PTPRD: variants seen among roughly 807,000 people sequenced by gnomAD.
PTPRD encodes the protein receptor-type tyrosine-protein phosphatase delta.
In PTPRD, 34 loss-of-function variants were observed where a neutral mutation model predicts 214.5. The ratio of observed to expected loss-of-function variants is 0.16; its 90% confidence interval spans 0.12 to 0.21. The LOEUF (loss-of-function observed/expected upper bound fraction) is 0.21, where lower values mean the gene tolerates loss of function less well. PTPRD is among the 10% of genes least tolerant of loss of function. The pLI is 1.00. For missense variants in PTPRD, 2,545 were observed against 2,398.7 expected, an observed-to-expected ratio of 1.06 and a Z score of -1.27; for synonymous variants, 1,128 against 845.7, an observed-to-expected ratio of 1.33 and a Z score of -5.79.
At chr9:8,446,692 T>C (rs1216833907) in intron 34 of PTPRD, among the ~76,000 whole-genome samples, 1 of 152,222 alleles carries the variant, frequency 6.6e-6, no homozygotes, top group African/African-American at 2.4e-5. Context: ...TATACATTCA[T>C]AGTAGATATA....
intron 9 of PTPRD, among the ~76,000 whole-genome samples, chr9:9,232,304 G>A (rs894192522): frequency 6.6e-6 from 1 of 152,152 alleles, no homozygotes; most frequent in Non-Finnish European, 1.5e-5. Flanking sequence ...ATTACATGCT[G>A]TGAGAACTAT....
chr9:8,872,147 C>T (rs931785960), intron 11 of PTPRD, among the ~76,000 whole-genome samples: 35 of 152,166 alleles, frequency 2.3e-4, no homozygotes, highest in Non-Finnish European at 3.8e-4. Flanking sequence ...TATGTCTCAG[C>T]GTAGCCAAAA....
Position 8,546,797 on chromosome 9 carries a change from G to A in PTPRD, c.353-18018C>T, listed in dbSNP as rs57784036. Among the ~76,000 whole-genome samples the A allele has an allele frequency of 2.0e-5, 3 of 152,240 alleles. No homozygotes were observed. In the East Asian group the frequency reaches 5.8e-4, roughly 29 times the overall value. On this transcript the variant is annotated intron_variant, in intron 14 of 45. Transcript: ENST00000381196. ...ATTCCAGGCGTGAGCCACCGCACCT[G>A]GCCATACTATCATTTTTCTAAAGAA... is the stretch of plus-strand genomic sequence containing the variant.
At chr9:8,708,195 G>A (rs1203732418) in intron 12 of PTPRD, among the ~76,000 whole-genome samples, 3 of 152,138 alleles carry the variant, frequency 2.0e-5, no homozygotes, top group Admixed American at 2.0e-4. Context: ...CAGCCAATGT[G>A]CAAATAGAAC....
At chr9:10,422,261 A>T (rs2098552597) in intron 2 of PTPRD, among the ~76,000 whole-genome samples, 1 of 152,090 alleles carries the variant, frequency 6.6e-6, no homozygotes, top group Non-Finnish European at 1.5e-5. Flanking sequence ...AGCCATATGT[A>T]GAAGGCTGAA....
chr9:8,480,935 C>T (rs900898417), intron 30 of PTPRD, among the ~76,000 whole-genome samples: 8 of 151,916 alleles, frequency 5.3e-5, no homozygotes, highest in South Asian at 4.1e-4. Context: ...GTCAGGAGAT[C>T]GAGACCAACC....
chr9:9,979,005 C>G (rs2095453050), intron 4 of PTPRD, among the ~76,000 whole-genome samples: 1 of 151,918 alleles, frequency 6.6e-6, no homozygotes, highest in Non-Finnish European at 1.5e-5. Flanking sequence ...TAAAAGAAAG[C>G]AAAAACTATA....
rs370697263 is a variant in PTPRD, at chr9:10,513,182, ATGTG to A, written c.-600+99212_-600+99215del. Among the ~76,000 whole-genome samples, 294 of 148,328 alleles carry A rather than the reference ATGTG, an allele frequency of 2.0e-3. 2 individuals carry two copies. Among genetic ancestry groups the A allele is most frequent in the African/African-American group, 7.0e-3 (283 of 40,652 alleles). ...TATTTGGTTTTATGATTGTGTGTGT[ATGTG>A]TGTGTGTGTGTGTGTGATTTAATGA... On this transcript the variant is annotated intron_variant, in intron 2 of 45. Transcript: ENST00000381196.
intron 8 of PTPRD, among the ~76,000 whole-genome samples, chr9:9,485,395 A>C (rs1225214826): frequency 1.3e-5 from 2 of 152,210 alleles, no homozygotes; most frequent in Non-Finnish European, 2.9e-5. Flanking sequence ...CAGCTGGTTA[A>C]ATCATTATGA....
chr9:8,587,040 C>T (rs1171424567), intron 14 of PTPRD, among the ~76,000 whole-genome samples: 1 of 152,064 alleles, frequency 6.6e-6, no homozygotes, highest in Non-Finnish European at 1.5e-5. Context: ...GTCCCAGCTA[C>T]TCGGGAGGCT....
intron 36 of PTPRD, among the ~76,000 whole-genome samples, chr9:8,393,638 A>G (rs958553296): frequency 2.2e-4 from 33 of 152,128 alleles, no homozygotes; most frequent in African/African-American, 9.7e-5. Context: ...CCATGGCTCT[A>G]CTGCATTTAT....
At chr9:8,414,275 CT>C (rs1354483264) in intron 35 of PTPRD, among the ~76,000 whole-genome samples, 2 of 152,136 alleles carry the variant, frequency 1.3e-5, no homozygotes, top group African/African-American at 2.4e-5. Context: ...CCATCTTTGA[CT>C]TTTTGTGCAT....
Position 8,507,359 on chromosome 9 carries a change from C to T in PTPRD, c.1619G>A (p.Arg540His), listed in dbSNP as rs371642520. 78 of 1,613,854 alleles carry T rather than the reference C, an allele frequency of 4.8e-5. No homozygotes were observed. The highest frequency in any genetic ancestry group is 4.1e-5 in the Non-Finnish European group (48 of 1,179,872). Residue 540 changes from arginine (R) to histidine (H), a missense_variant, in exon 22 of 46, where the codon CGT (arginine) becomes CAT (histidine). Physicochemically the swap from Arg to His is conservative, Grantham distance 29. Coordinates refer to ENST00000381196, the MANE Select transcript of PTPRD (RefSeq NM_002839.4). ...TSILLSWTPP[R>H]SDTIANYELV... ...TTCATAGTTGGCAATGGTATCTGAACGTGGAGGTGTCCAAGAGAGCAAAAT... is the reference window on the plus strand; with the variant it reads ...TTCATAGTTGGCAATGGTATCTGAATGTGGAGGTGTCCAAGAGAGCAAAAT...
intron 2 of PTPRD, among the ~76,000 whole-genome samples, chr9:10,364,061 G>A (rs34559835): frequency 0.013 from 1,829 of 137,204 alleles, 20 homozygotes; most frequent in Non-Finnish European, 0.022. Flanking sequence ...GTGCAGTGAC[G>A]TGATCTCGGC....
At chr9:9,371,513 A>C (rs939090456) in intron 9 of PTPRD, among the ~76,000 whole-genome samples, 1 of 151,562 alleles carries the variant, frequency 6.6e-6, no homozygotes, top group Non-Finnish European at 1.5e-5. Context: ...TTTCTTCTTT[A>C]TTAGTCTTGC....
At chr9:10,521,862 A>G (rs1201630326) in intron 2 of PTPRD, among the ~76,000 whole-genome samples, 1 of 152,182 alleles carries the variant, frequency 6.6e-6, no homozygotes, top group Non-Finnish European at 1.5e-5. Flanking sequence ...AGTATAGTTT[A>G]GTCATAATCA....
At position 8,513,616 on chromosome 9, in the gene PTPRD, T is replaced by C. The variant is rs2097725191; in HGVS notation, c.1543+4232A>G. 4.6e-5 allele frequency among the ~76,000 whole-genome samples: 7 copies of C among 152,184 alleles called. No individual in the cohort carries two copies. In the South Asian group the frequency reaches 1.0e-3, roughly 23 times the overall value. On this transcript the variant is annotated intron_variant, in intron 21 of 45. Coordinates refer to ENST00000381196, the MANE Select transcript of PTPRD (RefSeq NM_002839.4). Reference sequence around the variant, plus strand: ...TTTTTATAGGGTTAGAGGAGAAAAATTGCAGTGAAAATAATCATATCCTTA... The same window carrying C: ...TTTTTATAGGGTTAGAGGAGAAAAACTGCAGTGAAAATAATCATATCCTTA...
chr9:9,105,426 T>C (rs2099797141), intron 10 of PTPRD, among the ~76,000 whole-genome samples: 1 of 152,210 alleles, frequency 6.6e-6, no homozygotes, highest in Non-Finnish European at 1.5e-5. Context: ...CTATAGTTGA[T>C]AAAAATTGAG....
chr9:10,245,727 T>C (rs1029558297), intron 3 of PTPRD, among the ~76,000 whole-genome samples: 4 of 151,982 alleles, frequency 2.6e-5, no homozygotes, highest in African/African-American at 9.7e-5. Context: ...AATCTATGTG[T>C]ATATGTGTGT....
Sources: allele counts gnomAD v4.1 joint callset (sites outside exome capture counted in the v4.1 genomes callset), GRCh38; gene constraint gnomAD v4.1.1; transcripts MANE v1.5; gene names NCBI Gene and HGNC (gene_info 2026-07-23, HGNC 2026-07-21).